TEC: variants seen among roughly 807,000 people sequenced by gnomAD.
TEC encodes tyrosine-protein kinase Tec.
TEC carries 72 observed loss-of-function variants against 93.0 expected under a neutral mutation model. The ratio of observed to expected loss-of-function variants is 0.77; its 90% CI spans 0.64 to 0.94. The LOEUF (loss-of-function observed/expected upper bound fraction) is 0.94, where lower values mean the gene tolerates loss of function less well. Ranked by LOEUF, TEC falls within the 40% of genes least tolerant of loss-of-function variation. The pLI, the probability that TEC is intolerant of heterozygous loss-of-function variation, is 0.00. For missense variants in TEC, 630 were observed against 757.9 expected (o/e 0.83, Z 1.98); for synonymous variants, 249 against 247.7 (o/e 1.01, Z -0.05).
intron 8 of TEC, among the ~76,000 whole-genome samples, chr4:48,159,705 C>G (rs1177312187): frequency 6.6e-6 from 1 of 152,140 alleles, no homozygotes; most frequent in Admixed American, 6.5e-5. Flanking sequence ...CCCGCCACCA[C>G]GCCCAGCTAA....
intron 2 of TEC, among the ~76,000 whole-genome samples, chr4:48,227,460 T>C (rs1723505237): frequency 1.3e-5 from 2 of 151,870 alleles, no homozygotes; most frequent in South Asian, 4.2e-4. Flanking sequence ...CTGGCCAATA[T>C]GGTGAAACCC....
intron 9 of TEC, 35 bp from the exon 10 acceptor site, chr4:48,150,977 C>A: frequency 3.7e-6 from 5 of 1,339,896 alleles, no homozygotes; most frequent in Non-Finnish European, 5.2e-6. Context: ...TTTTTTTACT[C>A]TAATTACTAA....
chr4:48,186,643 G>GAGCC (rs1404062319), intron 2 of TEC, among the ~76,000 whole-genome samples: 2 of 151,012 alleles, frequency 1.3e-5, no homozygotes, highest in Non-Finnish European at 3.0e-5. Context: ...GGGAAGTGAG[G>GAGCC]AGCCCCTGCG....
intron 10 of TEC, 138 bp from the exon 11 acceptor site, chr4:48,149,828 G>T: frequency 2.7e-6 from 2 of 738,598 alleles, no homozygotes; most frequent in East Asian, 3.2e-5. Context: ...CTTTCCCCTT[G>T]TTCTTCTTAG....
At chr4:48,182,214 G>A (rs945196819) in intron 2 of TEC, among the ~76,000 whole-genome samples, 1 of 151,850 alleles carries the variant, frequency 6.6e-6, no homozygotes, top group African/African-American at 2.4e-5. Context: ...GAACTCAGGA[G>A]GTGGAGGTTG....
At chr4:48,251,651 T>C (rs1247017093) in intron 1 of TEC, among the ~76,000 whole-genome samples, 3 of 152,176 alleles carry the variant, frequency 2.0e-5, no homozygotes, top group African/African-American at 7.2e-5. Context: ...TCAGATTGAA[T>C]TGGACATGAT....
intron 1 of TEC, among the ~76,000 whole-genome samples, chr4:48,244,477 G>A (rs1972082): frequency 0.42 from 63,306 of 152,004 alleles, 13,360 homozygotes; most frequent in Middle Eastern, 0.5. Context: ...ACTATCACAA[G>A]AACAGCATCG....
chr4:48,232,630 T>C (rs1416819770), intron 1 of TEC, among the ~76,000 whole-genome samples: 1 of 152,244 alleles, frequency 6.6e-6, no homozygotes, highest in African/African-American at 2.4e-5. Flanking sequence ...AGTCTCCTCA[T>C]GTAGACTTCC....
At chr4:48,141,277 G>A (rs1719649854) in intron 15 of TEC, 78 bp downstream of exon 15, 2 of 1,266,776 alleles carry the variant, frequency 1.6e-6, no homozygotes, top group Non-Finnish European at 2.3e-6. Flanking sequence ...TGCTTCATCA[G>A]TGCAAATTAT....
intron 1 of TEC, among the ~76,000 whole-genome samples, chr4:48,265,195 C>T (rs1724600564): frequency 6.6e-6 from 1 of 151,892 alleles, no homozygotes. Context: ...AAACCACACA[C>T]ATACAAATAT....
intron 2 of TEC, among the ~76,000 whole-genome samples, chr4:48,227,499 C>T (rs1393433665): frequency 6.6e-6 from 1 of 151,722 alleles, no homozygotes; most frequent in African/African-American, 2.4e-5. Flanking sequence ...AAAAATTAGC[C>T]GAGTGCGGTG....
At chr4:48,197,012 C>T (rs764165720) in intron 2 of TEC, among the ~76,000 whole-genome samples, 51 of 152,308 alleles carry the variant, frequency 3.3e-4, no homozygotes, top group Middle Eastern at 3.4e-3. Context: ...ATTTAACACA[C>T]GATAGCAGGG....
intron 8 of TEC, 57 bp downstream of exon 8, chr4:48,163,645 A>C: frequency 8.7e-7 from 1 of 1,143,542 alleles, no homozygotes. Context: ...GCCTTACATA[A>C]TTAGGAAAAT....
chr4:48,230,195 C>T (rs2464503), intron 1 of TEC, among the ~76,000 whole-genome samples: 10,269 of 152,122 alleles, frequency 0.068, 1,196 homozygotes, highest in African/African-American at 0.24. Context: ...TGACTGGACA[C>T]GGTTAGCCAC....
At chr4:48,264,331 C>G (rs1253853642) in intron 1 of TEC, among the ~76,000 whole-genome samples, 1 of 152,196 alleles carries the variant, frequency 6.6e-6, no homozygotes, top group East Asian at 1.9e-4. Context: ...GGTGACTGCC[C>G]CTTCTCTACC....
chr4:48,228,174 C>T (rs1160433121), intron 2 of TEC, among the ~76,000 whole-genome samples: 1 of 152,102 alleles, frequency 6.6e-6, no homozygotes, highest in Non-Finnish European at 1.5e-5. Flanking sequence ...CTAAAGAAGA[C>T]TTTGATACAT....
At chr4:48,217,584 G>A (rs1390806876) in intron 2 of TEC, among the ~76,000 whole-genome samples, 3 of 152,146 alleles carry the variant, frequency 2.0e-5, no homozygotes, top group Non-Finnish European at 4.4e-5. Context: ...TGAAATCATT[G>A]AGTAGTCATG....
chr4:48,195,116 T>C (rs1283386464), intron 2 of TEC, among the ~76,000 whole-genome samples: 3 of 152,308 alleles, frequency 2.0e-5, no homozygotes, highest in Non-Finnish European at 4.4e-5. Context: ...GAACCATCTG[T>C]AGAAGAAATG....
chr4:48,259,192 T>C (rs999786282), intron 1 of TEC, among the ~76,000 whole-genome samples: 4 of 152,214 alleles, frequency 2.6e-5, no homozygotes, highest in African/African-American at 4.8e-5. Flanking sequence ...GAACTGTTAA[T>C]TATGTGTCAT....
Sources: allele counts gnomAD v4.1 joint callset (sites outside exome capture counted in the v4.1 genomes callset), GRCh38; gene constraint gnomAD v4.1.1; transcripts MANE v1.5; gene names NCBI Gene and HGNC (gene_info 2026-07-23, HGNC 2026-07-21).